The following PRRX2 variants were observed in gnomAD, a reference collection of about 807,000 sequenced individuals.
The protein encoded by PRRX2 is paired mesoderm homeobox protein 2.
Under a neutral mutation model 18.0 loss-of-function variants are expected in PRRX2, and 11 were observed. That is an observed-to-expected ratio of 0.61 (90% CI 0.39 to 1.01). The LOEUF (loss-of-function observed/expected upper bound fraction) is 1.01, where lower values mean the gene tolerates loss of function less well. Among genes scored for constraint, PRRX2 ranks in the 50% least tolerant of loss-of-function variants. The pLI is 0.01. For synonymous variants in PRRX2, 177 were observed against 154.8 expected, an observed-to-expected ratio of 1.14 and a Z score of -1.06; for missense variants, 387 against 351.0, an observed-to-expected ratio of 1.10 and a Z score of -0.82.
At chr9:129,701,416 A>G (rs907859542) in intron 1 of PRRX2, among the ~76,000 whole-genome samples, 3 of 152,226 alleles carry the variant, frequency 2.0e-5, no homozygotes, top group African/African-American at 4.8e-5. Flanking sequence ...TCCCACTTAC[A>G]GTGGGGACAC....
intron 1 of PRRX2, among the ~76,000 whole-genome samples, chr9:129,690,723 GTCT>G: frequency 6.6e-6 from 1 of 151,808 alleles, no homozygotes; most frequent in Middle Eastern, 3.4e-3. Flanking sequence ...GACCAGGCTG[GTCT>G]TGAACTCCTG....
intron 1 of PRRX2, among the ~76,000 whole-genome samples, chr9:129,684,498 ACACACACACACACACACACACACACC>A (rs1201849809): frequency 0.025 from 2,061 of 83,902 alleles, 31 homozygotes; most frequent in Non-Finnish European, 0.035. Flanking sequence ...ACACACACAC[ACACACACACACACACACACACACACC>A]CACACACACC....
chr9:129,706,291 T>C (rs963629340), intron 1 of PRRX2, among the ~76,000 whole-genome samples: 2 of 88,740 alleles, frequency 2.3e-5, no homozygotes, highest in African/African-American at 1.3e-4. Context: ...TACACAAAAA[T>C]TTTTTTTTCC....
Position 129,709,456 on chromosome 9 carries a change from A to G in PRRX2, c.260-9775A>G, listed in dbSNP as rs1310776428. Among the ~76,000 whole-genome samples, 1 of 152,040 alleles carries G rather than the reference A, an allele frequency of 6.6e-6. No individual in the cohort carries two copies. Among genetic ancestry groups the G allele is most frequent in the Non-Finnish European group, 1.5e-5 (1 of 68,002 alleles). On this transcript the variant is annotated intron_variant, in intron 1 of 3. Coordinates refer to ENST00000372469, the MANE Select transcript of PRRX2 (RefSeq NM_016307.4). This position sits in a 1 kb window ranked among gnomAD's most constrained non-coding sequence, Gnocchi z 4.2. ...AGGCCACACTAGCCACCATTCTTGC[A>G]GCCACACTGGCTACCGGCCCCCAGG... is the stretch of plus-strand genomic sequence containing the variant.
chr9:129,684,698 A>T (rs1479745939), intron 1 of PRRX2, among the ~76,000 whole-genome samples: 1 of 152,004 alleles, frequency 6.6e-6, no homozygotes. Flanking sequence ...GGGACGGGGA[A>T]TGTAGGGAGG....
rs1564147490 is a variant in PRRX2, at chr9:129,684,524, C to CACACACA, written c.259+18398_259+18399insACACACA. On this transcript the variant is annotated intron_variant, in intron 1 of 3. Coordinates refer to ENST00000372469, the MANE Select transcript of PRRX2 (RefSeq NM_016307.4). ...CACACACACACACACACACACACAC[C>CACACACA]CACACACACCCCAACAGAAAAGAGA... Among the ~76,000 whole-genome samples the CACACACA allele has an allele frequency of 7.3e-3, 329 of 45,068 alleles. 4 individuals are homozygous for CACACACA. The highest frequency in any genetic ancestry group is 0.013 in the African/African-American group (197 of 14,626). 29.6% of individuals were successfully genotyped at this position (45,068 alleles called of 152,430 possible). A position where few individuals can be genotyped will look rare whatever the true frequency, so the allele number is the denominator to read the frequency against.
chr9:129,698,186 C>T (rs1255641903), intron 1 of PRRX2, among the ~76,000 whole-genome samples: 2 of 146,296 alleles, frequency 1.4e-5, no homozygotes, highest in East Asian at 4.1e-4. Context: ...CCTCGCAGGG[C>T]CTATAAAGTG....
intron 1 of PRRX2, among the ~76,000 whole-genome samples, chr9:129,717,645 A>C (rs1268936796): frequency 2.0e-5 from 3 of 150,196 alleles, no homozygotes; most frequent in Admixed American, 2.0e-4. Flanking sequence ...GCAGTGAGCC[A>C]AGATCATGCC....
chr9:129,666,572 C>CCG (rs549355111), intron 1 of PRRX2, among the ~76,000 whole-genome samples: 1 of 60,062 alleles, frequency 1.7e-5, no homozygotes, highest in East Asian at 3.1e-4. Flanking sequence ...TGCCTGCCCA[C>CCG]CCCCCCCCAC....
Position 129,719,371 on chromosome 9 carries a change from C to G in PRRX2, c.400C>G (p.Arg134Gly). Residue 134 changes from arginine (R) to glycine (G), a missense_variant, in exon 2 of 4, where the codon CGC becomes GGC. Transcript: ENST00000372469. ...CACGCACTACCCCGACGCCTTTGTG[C>G]GCGAGGAGCTTGCCCGGCGCGTCAA... ...ERTHYPDAFV[R>G]EELARRVNLS... 1 of 1,565,086 alleles carries G rather than the reference C, an allele frequency of 6.4e-7. No individual in the cohort carries two copies. Among genetic ancestry groups the G allele is most frequent in the Non-Finnish European group, 8.7e-7 (1 of 1,156,052 alleles).
At chr9:129,685,026 T>C (rs1832285502) in intron 1 of PRRX2, among the ~76,000 whole-genome samples, 1 of 152,182 alleles carries the variant, frequency 6.6e-6, no homozygotes, top group South Asian at 2.1e-4. Context: ...TTGTCCCCTC[T>C]ACCAGGGCAG....
intron 1 of PRRX2, among the ~76,000 whole-genome samples, chr9:129,688,646 GC>G (rs1411505913): frequency 6.6e-6 from 1 of 152,202 alleles, no homozygotes; most frequent in Non-Finnish European, 1.5e-5. Context: ...TCTGTCTCCT[GC>G]CATTCAATGG....
At chr9:129,679,053 G>A (rs1052120257) in intron 1 of PRRX2, among the ~76,000 whole-genome samples, 6 of 152,196 alleles carry the variant, frequency 3.9e-5, no homozygotes, top group South Asian at 2.1e-4. Flanking sequence ...CGTGCCCCAC[G>A]TCGCAGTCCA....
chr9:129,675,067 C>T lies in PRRX2; in HGVS notation c.259+8941C>T, dbSNP rs946170011. On this transcript the variant is annotated intron_variant, in intron 1 of 3. Transcript: ENST00000372469. The surrounding 1 kb of genome is among the most constrained non-coding windows in gnomAD (Gnocchi z 4.4). ...CTCCTCAGTTTACCCGAGTGGAAAG[C>T]GGTCCTCTCGAGGGGACAGAGAGGC... is the stretch of plus-strand genomic sequence containing the variant. Among the ~76,000 whole-genome samples the T allele has an allele frequency of 9.2e-5, 14 of 152,264 alleles. No homozygotes were observed. Among genetic ancestry groups the T allele is most frequent in the African/African-American group, 2.9e-4 (12 of 41,556 alleles).
chr9:129,681,486 C>T (rs760882742), intron 1 of PRRX2, among the ~76,000 whole-genome samples: 24 of 152,088 alleles, frequency 1.6e-4, no homozygotes, highest in Non-Finnish European at 3.4e-4. Context: ...TGCCACTGCA[C>T]TCCAGCCTGG....
intron 1 of PRRX2, among the ~76,000 whole-genome samples, chr9:129,684,774 C>T (rs1449388565): frequency 6.6e-6 from 1 of 152,186 alleles, no homozygotes; most frequent in African/African-American, 2.4e-5. Flanking sequence ...GTTCTCTAAA[C>T]AGGACAAGCA....
Position 129,719,398 on chromosome 9 carries a change from C to T in PRRX2, c.427C>T (p.Leu143Phe). The change falls in exon 2 of 4, where the codon CTC (leucine) becomes TTC (phenylalanine). Residue 143 changes from leucine (L) to phenylalanine (F), a missense_variant. Coordinates refer to ENST00000372469, the MANE Select transcript of PRRX2 (RefSeq NM_016307.4). ...CGAGGAGCTTGCCCGGCGCGTCAAC[C>T]TCAGCGAGGCGCGCGTTCAGGTGAG... ...VREELARRVN[L>F]SEARVQVWFQ... 1.9e-6 allele frequency: 3 copies of T among 1,542,430 alleles called. No individual in the cohort carries two copies. Among genetic ancestry groups the T allele is most frequent in the South Asian group, 1.2e-5 (1 of 83,840 alleles).
chr9:129,671,093 T>C lies in PRRX2; in HGVS notation c.259+4967T>C, dbSNP rs532621640. Among the ~76,000 whole-genome samples the C allele has an allele frequency of 5.9e-5, 9 of 152,332 alleles. No individual in the cohort carries two copies. Among genetic ancestry groups the C allele is most frequent in the Non-Finnish European group, 1.2e-4 (8 of 68,040 alleles). On this transcript the variant is annotated intron_variant, in intron 1 of 3. Transcript: ENST00000372469. This position sits in a 1 kb window ranked among gnomAD's most constrained non-coding sequence, Gnocchi z 4.0. ...GCCCTCCCGACTGAGATGATTTGAC[T>C]CAGGCTTAGGAACCCCATGATGGGC... is the stretch of plus-strand genomic sequence containing the variant.
intron 1 of PRRX2, among the ~76,000 whole-genome samples, chr9:129,692,690 A>G (rs1832376125): frequency 6.6e-6 from 1 of 152,202 alleles, no homozygotes; most frequent in African/African-American, 2.4e-5. Flanking sequence ...CACTTAGTAA[A>G]TATCCATGTA....
Sources: gnomAD v4.1 joint callset for allele counts (sites outside exome capture counted in the v4.1 genomes callset) on GRCh38, gnomAD v4.1.1 for gene constraint, Gnocchi (gnomAD v3.1) non-coding constraint, MANE v1.5 for transcripts, NCBI Gene and HGNC (gene_info 2026-07-23, HGNC 2026-07-21) for gene names.